The following ZFAND3 variants were observed in gnomAD, a reference collection of about 807,000 sequenced individuals.
ZFAND3 encodes the protein zinc finger AN1-type containing 3, also known as AN1-type zinc finger protein 3.
Under a neutral mutation model 29.6 loss-of-function variants are expected in ZFAND3, and 10 were observed. The observed-to-expected ratio is 0.34, with a 90% CI of 0.21 to 0.57. The LOEUF (loss-of-function observed/expected upper bound fraction) is 0.57, where lower values mean the gene tolerates loss of function less well. ZFAND3 is among the 20% of genes least tolerant of loss of function. ZFAND3 has a pLI of 0.86. For missense variants in ZFAND3, 230 were observed against 304.5 expected (o/e 0.76, Z 1.82); for synonymous variants, 128 against 112.6 (o/e 1.14, Z -0.87).
At chr6:38,032,490 A>G (rs1763580520) in intron 2 of ZFAND3, among the ~76,000 whole-genome samples, 1 of 152,222 alleles carries the variant, frequency 6.6e-6, no homozygotes, top group Non-Finnish European at 1.5e-5. Context: ...TTAGTGTCAG[A>G]GCAGATTATA....
intron 2 of ZFAND3, among the ~76,000 whole-genome samples, chr6:38,055,803 C>T (rs1764123699): frequency 6.6e-6 from 1 of 152,046 alleles, no homozygotes; most frequent in Admixed American, 6.6e-5. Context: ...CTAAGAGTAC[C>T]CTTAAAGACA....
At chr6:37,909,429 G>A (rs950357745) in intron 1 of ZFAND3, among the ~76,000 whole-genome samples, 1 of 151,522 alleles carries the variant, frequency 6.6e-6, no homozygotes, top group African/African-American at 2.4e-5. Flanking sequence ...ACAGATGTGC[G>A]CCACCATGCC....
rs184058554 is a variant in ZFAND3, at chr6:38,123,663, C to T, written c.529+6924C>T. On this transcript the variant is annotated intron_variant, in intron 5 of 5. Coordinates refer to ENST00000287218, the MANE Select transcript of ZFAND3 (RefSeq NM_021943.3). Reference sequence around the variant, plus strand: ...TCCATCTGGGTCACCAAAATGTGTCCGGAATTGGTGGGTTCTTGGTCTCAC... The same window carrying T: ...TCCATCTGGGTCACCAAAATGTGTCTGGAATTGGTGGGTTCTTGGTCTCAC... 4.1e-3 allele frequency among the ~76,000 whole-genome samples: 622 copies of T among 152,158 alleles called. 6 individuals carry two copies. The highest frequency in any genetic ancestry group is 0.017 in the Middle Eastern group (5 of 294).
chr6:37,881,486 T>C (rs1472419407), intron 1 of ZFAND3, among the ~76,000 whole-genome samples: 1 of 152,194 alleles, frequency 6.6e-6, no homozygotes, highest in Non-Finnish European at 1.5e-5. Flanking sequence ...TCTGTCTTTC[T>C]GCTTAGGCCA....
At chr6:38,117,256 C>CT (rs35684874) in intron 5 of ZFAND3, among the ~76,000 whole-genome samples, 36,096 of 96,244 alleles carry the variant, frequency 0.38, 7,832 homozygotes, top group African/African-American at 0.44. Flanking sequence ...TTGAAATAGC[C>CT]TTTTTTTTTT....
intron 2 of ZFAND3, among the ~76,000 whole-genome samples, chr6:38,029,310 C>CA (rs1178467467): frequency 2.6e-5 from 4 of 152,160 alleles, no homozygotes; most frequent in Non-Finnish European, 5.9e-5. Flanking sequence ...ATTGATTATA[C>CA]AAATTTTCAG....
chr6:37,861,641 G>T (rs1328064133), intron 1 of ZFAND3, among the ~76,000 whole-genome samples: 2 of 152,140 alleles, frequency 1.3e-5, no homozygotes, highest in African/African-American at 4.8e-5. Context: ...TATTATGAAA[G>T]AATTATGAAA....
intron 5 of ZFAND3, 134 bp downstream of exon 5, chr6:38,116,873 T>C (rs1765428895): frequency 1.0e-5 from 12 of 1,162,510 alleles, no homozygotes; most frequent in Admixed American, 5.6e-5. Flanking sequence ...GCATGCGATA[T>C]AGGTTTGGGG....
intron 1 of ZFAND3, among the ~76,000 whole-genome samples, chr6:37,871,201 A>G (rs990843257): frequency 8.5e-5 from 13 of 152,192 alleles, no homozygotes; most frequent in African/African-American, 3.1e-4. Flanking sequence ...GTTCAGATTG[A>G]ATAGTATCTA....
intron 1 of ZFAND3, among the ~76,000 whole-genome samples, chr6:37,866,460 T>C (rs1764592498): frequency 6.6e-6 from 1 of 152,200 alleles, no homozygotes; most frequent in Admixed American, 6.5e-5. Flanking sequence ...TAGAATTAAA[T>C]TAAAAGACAG....
chr6:37,948,227 T>C (rs114621281), intron 2 of ZFAND3, among the ~76,000 whole-genome samples: 9,998 of 152,204 alleles, frequency 0.066, 392 homozygotes, highest in Non-Finnish European at 0.085. Flanking sequence ...ATTAAAGCAG[T>C]TTTTTCTTAT....
chr6:38,084,418 A>T (rs1218123431), intron 4 of ZFAND3, among the ~76,000 whole-genome samples: 1 of 152,184 alleles, frequency 6.6e-6, no homozygotes, highest in African/African-American at 2.4e-5. Flanking sequence ...GTAAGAAAAA[A>T]ATAATATGCT....
chr6:38,119,372 G>A (rs1333025744), intron 5 of ZFAND3, among the ~76,000 whole-genome samples: 1 of 152,180 alleles, frequency 6.6e-6, no homozygotes, highest in African/African-American at 2.4e-5. Flanking sequence ...GAAGACTCAG[G>A]AAGGTAGTTT....
chr6:37,992,679 TACA>T (rs1762779533), intron 2 of ZFAND3, among the ~76,000 whole-genome samples: 3 of 152,200 alleles, frequency 2.0e-5, no homozygotes, highest in Non-Finnish European at 4.4e-5. Flanking sequence ...AAATTGAATA[TACA>T]GCCCCATTCA....
chr6:38,070,316 C>T (rs946370166), intron 3 of ZFAND3, among the ~76,000 whole-genome samples: 3 of 151,178 alleles, frequency 2.0e-5, no homozygotes, highest in South Asian at 2.1e-4. Context: ...TCCAGCTACT[C>T]GGGGGGCTGA....
chr6:38,034,000 G>A (rs1403611450), intron 2 of ZFAND3, among the ~76,000 whole-genome samples: 1 of 152,082 alleles, frequency 6.6e-6, no homozygotes, highest in Non-Finnish European at 1.5e-5. Flanking sequence ...GACTTCTAAT[G>A]AAAAAATATT....
In ZFAND3 at chr6:37,973,928, T is replaced by C. The variant is rs554931531; in HGVS notation, c.112+43929T>C. On this transcript the variant is annotated intron_variant, in intron 2 of 5. Transcript: ENST00000287218. ...TGTGTTGTAGGTTTGATTAGTTCTCTATCTCAGAGAGACAGCTTTAGTGAC... is the reference window on the plus strand; with the variant it reads ...TGTGTTGTAGGTTTGATTAGTTCTCCATCTCAGAGAGACAGCTTTAGTGAC... 4.5e-4 allele frequency among the ~76,000 whole-genome samples: 68 copies of C among 152,242 alleles called. 1 individual carries two copies. Among genetic ancestry groups the C allele is most frequent in the Admixed American group, 3.2e-3 (49 of 15,290 alleles).
At chr6:38,089,860 G>A (rs1197086188) in intron 4 of ZFAND3, among the ~76,000 whole-genome samples, 1 of 152,054 alleles carries the variant, frequency 6.6e-6, no homozygotes, top group Non-Finnish European at 1.5e-5. Flanking sequence ...GTGAAGTTTT[G>A]TTTTTGTTTT....
At position 37,883,681 on chromosome 6, in the gene ZFAND3, A is replaced by G. The variant is rs551894909; in HGVS notation, c.72-46278A>G. On this transcript the variant is annotated intron_variant, in intron 1 of 5. Coordinates refer to ENST00000287218, the MANE Select transcript of ZFAND3 (RefSeq NM_021943.3). The stretch of plus-strand genomic sequence containing the variant: ...CTCAGCCTCCTGAGTAGCTGGGATT[A>G]CAGGTGCCCGCCACCATGCCTGGCT... Among the ~76,000 whole-genome samples the G allele has an allele frequency of 1.1e-3, 160 of 144,186 alleles. 3 individuals are homozygous for G. Among genetic ancestry groups the G allele is most frequent in the Non-Finnish European group, 1.6e-3 (107 of 67,246 alleles). 94.6% of individuals were successfully genotyped at this position (144,186 alleles called of 152,430 possible).
Sources: gnomAD v4.1 joint callset for allele counts (sites outside exome capture counted in the v4.1 genomes callset) on GRCh38, gnomAD v4.1.1 for gene constraint, MANE v1.5 for transcripts, NCBI Gene and HGNC (gene_info 2026-07-23, HGNC 2026-07-21) for gene names.